Variants in PHEX observed in about 807,000 individuals in gnomAD.
The protein encoded by PHEX is phosphate-regulating neutral endopeptidase PHEX.
Under a neutral mutation model 68.0 loss-of-function variants are expected in PHEX, and 16 were observed. That is an observed-to-expected ratio of 0.24 (90% confidence interval 0.16 to 0.36). The LOEUF is 0.36. Ranked by LOEUF, PHEX falls within the 10% of genes least tolerant of loss-of-function variation. PHEX has a pLI of 1.00. For synonymous variants in PHEX, 208 were observed against 205.1 expected (o/e 1.01, Z -0.12); for missense variants, 480 against 575.5 (o/e 0.83, Z 1.70).
chrX:22,196,841 G>A (rs16981838), intron 15 of PHEX, among the ~76,000 whole-genome samples: 1 of 111,726 alleles, frequency 9.0e-6, no homozygotes, highest in Non-Finnish European at 1.9e-5. Flanking sequence ...AAGAAGATAA[G>A]CCTTTGTCCA....
At chrX:22,078,780 G>A (rs973948710) in intron 5 of PHEX, among the ~76,000 whole-genome samples, 2 of 111,743 alleles carry the variant, frequency 1.8e-5, no homozygotes, top group African/African-American at 3.3e-5. Context: ...GCTGTATGGC[G>A]GGCTGGCCCA....
intron 20 of PHEX, among the ~76,000 whole-genome samples, chrX:22,239,682 G>A (rs890398185): frequency 9.0e-6 from 1 of 110,938 alleles, no homozygotes; most frequent in Non-Finnish European, 1.9e-5. Flanking sequence ...GAGAAGACAA[G>A]ATTAGAGAAA....
chrX:22,039,381 T>G (rs985539913), intron 2 of PHEX, among the ~76,000 whole-genome samples: 1 of 112,217 alleles, frequency 8.9e-6, no homozygotes, highest in African/African-American at 3.2e-5. Context: ...GGCCGCAGTT[T>G]TGCCACAGTG....
intron 6 of PHEX, 104 bp downstream of exon 6, chrX:22,090,601 C>T: frequency 1.8e-6 from 1 of 564,824 alleles, no homozygotes; most frequent in East Asian, 3.5e-5. Context: ...TGTGGCTATT[C>T]AATGACCATA....
intron 12 of PHEX, among the ~76,000 whole-genome samples, chrX:22,157,556 A>T (rs16981796): frequency 0.065 from 7,280 of 112,328 alleles, 542 homozygotes; most frequent in African/African-American, 0.22. Context: ...AAGTAAGAGG[A>T]GCATCACAAA....
chrX:22,224,958 A>AGCGCTGTATGATTTATTATCATACG (rs1935408493), intron 18 of PHEX, among the ~76,000 whole-genome samples: 1 of 113,879 alleles, frequency 8.8e-6, no homozygotes, highest in Non-Finnish European at 1.9e-5. Context: ...ATTATCATAC[A>AGCGCTGTATGATTTATTATCATACG]GCGCTGTATG....
At chrX:22,147,994 T>C (rs1932759081) in intron 12 of PHEX, among the ~76,000 whole-genome samples, 1 of 108,698 alleles carries the variant, frequency 9.2e-6, no homozygotes, top group African/African-American at 3.4e-5. Flanking sequence ...GTAGAATGAC[T>C]CAGTTACTGT....
chrX:22,202,874 G>A (rs981033521), intron 15 of PHEX, among the ~76,000 whole-genome samples: 9 of 111,688 alleles, frequency 8.1e-5, no homozygotes, highest in African/African-American at 2.9e-4. Flanking sequence ...CTCAAAGTGC[G>A]GTCCCTGGAT....
At chrX:22,224,993 G>GATTTATTATCATACAGCGCTGTATGATT in intron 18 of PHEX, among the ~76,000 whole-genome samples, 297 of 98,929 alleles carry the variant, frequency 3.0e-3, no homozygotes, top group Non-Finnish European at 3.5e-3. Flanking sequence ...AGCTCTGTAT[G>GATTTATTATCATACAGCGCTGTATGATT]TCAGAAGTCT....
At chrX:22,231,511 C>T (rs141140413) in intron 20 of PHEX, among the ~76,000 whole-genome samples, 36,910 of 110,132 alleles carry the variant, frequency 0.34, 5,093 homozygotes, top group African/African-American at 0.48. Flanking sequence ...AGGGTGTATG[C>T]GTCCAGGAAT....
At chrX:22,170,524 T>A (rs911981431) in intron 13 of PHEX, among the ~76,000 whole-genome samples, 1 of 111,630 alleles carries the variant, frequency 9.0e-6, no homozygotes, top group Non-Finnish European at 1.9e-5. Context: ...TAAGTTAACA[T>A]ATTTGAAGTG....
rs193922457 is a variant in PHEX, at chrX:22,227,540, G to T, written c.1999G>T (p.Gly667Ter). 1 of 1,207,666 alleles carries T rather than the reference G, an allele frequency of 8.3e-7. No homozygotes were observed. Among genetic ancestry groups the T allele is most frequent in the Non-Finnish European group, 1.1e-6 (1 of 891,855 alleles). Residue 667 changes from glycine to a stop codon, truncating the protein, a stop_gained, in exon 20 of 22, where the codon GGA (glycine) becomes TGA (stop). Coordinates refer to ENST00000379374, the MANE Select transcript of PHEX (RefSeq NM_000444.6). LOFTEE classifies it high-confidence loss of function. ...GAAATGGATAAATGACAGAAGGCAG[G>T]GACTTGAGGAGCCTCTTCTACCAGG... ...YRKWINDRRQ[G>*]LEEPLLPGIT...
intron 2 of PHEX, among the ~76,000 whole-genome samples, chrX:22,043,373 T>C (rs1927371921): frequency 8.9e-6 from 1 of 112,532 alleles, no homozygotes; most frequent in African/African-American, 3.2e-5. Flanking sequence ...CTGGGCATCA[T>C]GCATTTATAT....
rs774170218 is a variant in PHEX at position 22,226,729 on chromosome X, TTTGTTA to T, written c.1965+224_1965+229del. ...TGTGAAGTCACCCTAAAGAATAATA[TTTGTTA>T]TTAAGAATCATGTATTTAAAGAATA... On this transcript the variant is annotated intron_variant, in intron 19 of 21. Transcript: ENST00000379374. Among the ~76,000 whole-genome samples the T allele has an allele frequency of 3.6e-5, 4 of 111,948 alleles. No homozygotes were observed. The East Asian group carries it at 1.1e-3, about 31-fold the overall frequency.
At chrX:22,226,293 A>G (rs973071257) in intron 18 of PHEX, 150 bp from the exon 19 acceptor site, 12 of 474,008 alleles carry the variant, frequency 2.5e-5, no homozygotes, top group Middle Eastern at 5.7e-4. Context: ...CTTTCTTACA[A>G]TATATTATGC....
chrX:22,243,984 G>A (rs181345442), intron 20 of PHEX, among the ~76,000 whole-genome samples: 5 of 111,924 alleles, frequency 4.5e-5, no homozygotes, highest in Non-Finnish European at 7.5e-5. Context: ...CCATGCATAC[G>A]TATGTTTATT....
chrX:22,038,492 C>G lies in PHEX; in HGVS notation c.142C>G (p.Gln48Glu), dbSNP rs202074612. 7 of 1,197,923 alleles carry G rather than the reference C, an allele frequency of 5.8e-6. No homozygotes were observed. The African/African-American group carries it at 1.1e-4, about 18-fold the overall frequency. The change falls in exon 2 of 22, where the codon CAA becomes GAA. Residue 48 changes from glutamine to glutamate, a missense_variant. Coordinates refer to ENST00000379374, the MANE Select transcript of PHEX (RefSeq NM_000444.6). The part of the protein sequence containing the change: ...FLVSQGLLSL[Q>E]AKQEYCLKPE... ...AGTGAGTCAAGGTCTCTTAAGTCTC[C>G]AAGCTAAACAGGAGTACTGCCTGAA...
intron 16 of PHEX, among the ~76,000 whole-genome samples, chrX:22,218,412 T>A (rs1935159336): frequency 9.0e-6 from 1 of 111,540 alleles, no homozygotes; most frequent in Non-Finnish European, 1.9e-5. Context: ...TCCCCTTTTA[T>A]AGATAATCTA....
chrX:22,212,118 A>AT (rs1934947249), intron 15 of PHEX, among the ~76,000 whole-genome samples: 1 of 111,957 alleles, frequency 8.9e-6, no homozygotes, highest in Non-Finnish European at 1.9e-5. Context: ...AGTAACAGGT[A>AT]TAAGAAAGGT....
Sources: allele counts gnomAD v4.1 joint callset (sites outside exome capture counted in the v4.1 genomes callset), GRCh38; gene constraint gnomAD v4.1.1; transcripts MANE v1.5; gene names NCBI Gene and HGNC (gene_info 2026-07-23, HGNC 2026-07-21).